ZDHHC14: variants seen among roughly 807,000 people sequenced by gnomAD.
The protein encoded by ZDHHC14 is palmitoyltransferase ZDHHC14.
A neutral mutation model predicts 47.7 loss-of-function variants in ZDHHC14; 16 were observed. That is an observed-to-expected ratio of 0.34 (90% CI 0.23 to 0.51). The LOEUF (loss-of-function observed/expected upper bound fraction) is 0.51. Among genes scored for constraint, ZDHHC14 ranks in the 20% least tolerant of loss-of-function variants. The pLI, the probability that ZDHHC14 is intolerant of heterozygous loss-of-function variation, is 0.97. For synonymous variants in ZDHHC14, 293 were observed against 278.9 expected, an observed-to-expected ratio of 1.05 and a Z score of -0.50; for missense variants, 515 against 662.5, an observed-to-expected ratio of 0.78 and a Z score of 2.44.
Position 157,498,371 on chromosome 6 carries a change from GCTGA to G in ZDHHC14, c.246-44213_246-44210del, listed in dbSNP as rs1490409612. ...AGTGGATATAATTTTGACATTTGTG[GCTGA>G]GGAGAGTGTCCAGGAAGAATGAATA... is the stretch of plus-strand genomic sequence containing the variant. On this transcript the variant is annotated intron_variant, in intron 1 of 8. Coordinates refer to ENST00000359775, the MANE Select transcript of ZDHHC14 (RefSeq NM_024630.3). 3.5e-4 allele frequency among the ~76,000 whole-genome samples: 53 copies of G among 152,168 alleles called. 1 individual carries two copies. The highest frequency in any genetic ancestry group is 1.3e-4 in the Non-Finnish European group (9 of 68,022).
chr6:157,666,212 C>A, intron 8 of ZDHHC14, among the ~76,000 whole-genome samples: 1 of 152,136 alleles, frequency 6.6e-6, no homozygotes, highest in Non-Finnish European at 1.5e-5. Flanking sequence ...CCTTTGGGAT[C>A]GCATGCTAAA....
At chr6:157,478,997 C>A (rs1033132559) in intron 1 of ZDHHC14, among the ~76,000 whole-genome samples, 1 of 152,152 alleles carries the variant, frequency 6.6e-6, no homozygotes, top group Non-Finnish European at 1.5e-5. Context: ...AGGAAAGGTC[C>A]GCGGGGAGAC....
intron 1 of ZDHHC14, among the ~76,000 whole-genome samples, chr6:157,482,802 G>T (rs767488236): frequency 6.6e-6 from 1 of 151,188 alleles, no homozygotes; most frequent in Non-Finnish European, 1.5e-5. Context: ...GAGTACAATG[G>T]CATGAACTCA....
intron 3 of ZDHHC14, among the ~76,000 whole-genome samples, chr6:157,616,129 A>C (rs569365813): frequency 2.0e-5 from 3 of 152,272 alleles, no homozygotes; most frequent in East Asian, 3.9e-4. Flanking sequence ...TGTTGGCAAC[A>C]GTGTGGGGGA....
chr6:157,534,763 AT>A (rs572500092), intron 1 of ZDHHC14, among the ~76,000 whole-genome samples: 3 of 150,632 alleles, frequency 2.0e-5, no homozygotes, highest in East Asian at 2.0e-4. Flanking sequence ...TGGTTTTTGT[AT>A]TTTTTTTGTA....
chr6:157,613,379 C>G (rs189178683), intron 3 of ZDHHC14, among the ~76,000 whole-genome samples: 153 of 152,262 alleles, frequency 1.0e-3, no homozygotes, highest in African/African-American at 3.5e-3. Flanking sequence ...CTGGTCATGA[C>G]CAGCTAAATC....
intron 8 of ZDHHC14, 122 bp downstream of exon 8, chr6:157,653,749 A>G (rs1777953099): frequency 1.2e-6 from 1 of 862,446 alleles, no homozygotes. Flanking sequence ...ACAGCCGCCC[A>G]CCCCATGACT....
At chr6:157,575,555 A>G (rs1783273751) in intron 2 of ZDHHC14, among the ~76,000 whole-genome samples, 2 of 152,042 alleles carry the variant, frequency 1.3e-5, no homozygotes, top group Non-Finnish European at 1.5e-5. Flanking sequence ...GGACCAGGAC[A>G]CAAGCTGCCC....
At chr6:157,450,615 C>T (rs1245458911) in intron 1 of ZDHHC14, among the ~76,000 whole-genome samples, 1 of 151,994 alleles carries the variant, frequency 6.6e-6, no homozygotes, top group Non-Finnish European at 1.5e-5. Context: ...AACTAACCAG[C>T]CCGTAAATGG....
At chr6:157,428,683 C>T (rs1163636439) in intron 1 of ZDHHC14, among the ~76,000 whole-genome samples, 1 of 138,908 alleles carries the variant, frequency 7.2e-6, no homozygotes, top group East Asian at 2.3e-4. Flanking sequence ...GGCCAGATTG[C>T]TTATGTGCTC....
intron 2 of ZDHHC14, among the ~76,000 whole-genome samples, chr6:157,553,642 A>G (rs1450988213): frequency 4.7e-5 from 7 of 147,448 alleles, no homozygotes; most frequent in African/African-American, 1.0e-4. Flanking sequence ...GGGGTGGGAG[A>G]GGGCTGGGGG....
At chr6:157,386,676 G>A (rs1240952661) in intron 1 of ZDHHC14, among the ~76,000 whole-genome samples, 5 of 152,164 alleles carry the variant, frequency 3.3e-5, no homozygotes, top group African/African-American at 9.7e-5. Flanking sequence ...GCTGTGTTTA[G>A]GGGAGGTGGG....
chr6:157,602,788 C>T lies in ZDHHC14; in HGVS notation c.565+9642C>T, dbSNP rs62423218. On this transcript the variant is annotated intron_variant, in intron 3 of 8. Transcript: ENST00000359775. ...TGCTTCCTCTGAGCTTTCTGGAGTG[C>T]TACGTACCCAGGCTGGGTTCTGCTG... 6.6e-3 allele frequency among the ~76,000 whole-genome samples: 1,008 copies of T among 152,350 alleles called. 5 individuals are homozygous for T. Among genetic ancestry groups the T allele is most frequent in the Non-Finnish European group, 0.012 (813 of 68,032 alleles).
At chr6:157,510,865 A>T (rs1004414494) in intron 1 of ZDHHC14, among the ~76,000 whole-genome samples, 2 of 152,134 alleles carry the variant, frequency 1.3e-5, no homozygotes, top group African/African-American at 4.8e-5. Context: ...CCTTCCTCAG[A>T]CACCTCCCTC....
At chr6:157,661,582 G>T (rs1778345360) in intron 8 of ZDHHC14, among the ~76,000 whole-genome samples, 1 of 152,190 alleles carries the variant, frequency 6.6e-6, no homozygotes, top group African/African-American at 2.4e-5. Flanking sequence ...ATGCAGTGGG[G>T]AGTGGCAGAG....
chr6:157,491,917 G>A (rs944957990), intron 1 of ZDHHC14, among the ~76,000 whole-genome samples: 1 of 152,234 alleles, frequency 6.6e-6, no homozygotes, highest in African/African-American at 2.4e-5. Context: ...CGTCTTGTGC[G>A]GATTTGCCAT....
chr6:157,540,906 G>GTATATATATATATATATATATATATA (rs1470065372), intron 1 of ZDHHC14, among the ~76,000 whole-genome samples: 1 of 127,096 alleles, frequency 7.9e-6, no homozygotes, highest in African/African-American at 4.6e-5. Context: ...GTGTGTGTGT[G>GTATATATATATATATATATATATATA]TGTGTATATA....
intron 2 of ZDHHC14, among the ~76,000 whole-genome samples, chr6:157,556,540 G>A (rs1782471393): frequency 6.6e-6 from 1 of 152,246 alleles, no homozygotes; most frequent in African/African-American, 2.4e-5. Flanking sequence ...AGTGCCAGGG[G>A]ATGGAGCTCC....
chr6:157,542,456 T>C, intron 1 of ZDHHC14, 129 bp from the exon 2 acceptor site: 2 of 1,303,364 alleles, frequency 1.5e-6, no homozygotes, highest in South Asian at 3.0e-5. Flanking sequence ...GAATTTTTAA[T>C]GGAAATCAAT....
Sources: gnomAD v4.1 joint callset for allele counts (sites outside exome capture counted in the v4.1 genomes callset) on GRCh38, gnomAD v4.1.1 for gene constraint, MANE v1.5 for transcripts, NCBI Gene and HGNC (gene_info 2026-07-23, HGNC 2026-07-21) for gene names.